Variants in VIPR1 observed in about 807,000 individuals in gnomAD.
VIPR1 encodes vasoactive intestinal peptide receptor 1.
In VIPR1, 59 loss-of-function variants were observed where a neutral mutation model predicts 58.8. The ratio of observed to expected loss-of-function variants is 1.00; its 90% CI spans 0.81 to 1.25. The LOEUF (loss-of-function observed/expected upper bound fraction) is 1.25, where lower values mean the gene tolerates loss of function less well. VIPR1 is among the 50% of genes most tolerant of loss of function. The pLI is 0.00. For synonymous variants in VIPR1, 251 were observed against 242.1 expected (o/e 1.04, Z -0.34); for missense variants, 626 against 602.7 (o/e 1.04, Z -0.40).
Position 42,536,218 on chromosome 3 carries a change from G to A in VIPR1, c.1311G>A (p.Leu437=). Residue 437 remains leucine (L), a synonymous_variant, in exon 13 of 13, where the codon CTG becomes CTA. Coordinates refer to ENST00000325123, the MANE Select transcript of VIPR1 (RefSeq NM_004624.4). ...GATCSTQVSM[L]TRVSPGARRS... Reference sequence around the variant, plus strand: ...CGTGCAGCACGCAGGTTTCCATGCTGACCCGCGTCAGCCCAGGTGCCCGCC... The same window carrying A: ...CGTGCAGCACGCAGGTTTCCATGCTAACCCGCGTCAGCCCAGGTGCCCGCC... 6.3e-7 allele frequency: 1 copy of A among 1,588,818 alleles called. No homozygotes were observed. The highest frequency in any genetic ancestry group is 1.1e-5 in the South Asian group (1 of 87,756).
chr3:42,510,009 C>T (rs1230830128), intron 1 of VIPR1, among the ~76,000 whole-genome samples: 1 of 152,204 alleles, frequency 6.6e-6, no homozygotes, highest in Non-Finnish European at 1.5e-5. Flanking sequence ...TGCTTCAAGT[C>T]TCTGTTGGCC....
intron 4 of VIPR1, among the ~76,000 whole-genome samples, chr3:42,526,650 T>C (rs906968986): frequency 7.2e-5 from 11 of 152,122 alleles, no homozygotes; most frequent in Admixed American, 6.5e-4. Flanking sequence ...GACAGCAATT[T>C]CTTCAGAGGC....
chr3:42,536,428 A>G lies in VIPR1; in HGVS notation c.*147A>G. 2 of 852,702 alleles carry G rather than the reference A, an allele frequency of 2.3e-6. No individual in the cohort carries two copies. Among genetic ancestry groups the G allele is most frequent in the Non-Finnish European group, 3.4e-6 (2 of 581,018 alleles). The allele number at this position is 852,702 out of a possible 1,614,324, so 52.8% of individuals were successfully genotyped here. The stretch of plus-strand genomic sequence containing the variant: ...CCCGGCCCCCTGGTCTCTGGTCCGG[A>G]CACTCCTAGAGAACGCAGCCCTAGA... On this transcript the variant is annotated 3_prime_UTR_variant, in exon 13 of 13. Transcript: ENST00000325123.
intron 2 of VIPR1, among the ~76,000 whole-genome samples, chr3:42,515,481 A>G (rs1577220289): frequency 6.6e-6 from 1 of 152,212 alleles, no homozygotes; most frequent in South Asian, 2.1e-4. Context: ...AGGCAGCCCC[A>G]AGAGGCCCAG....
Position 42,536,240 on chromosome 3 carries a change from C to T in VIPR1, c.1333C>T (p.Arg445Cys). The T allele has an allele frequency of 6.3e-7, 1 of 1,584,794 alleles. No individual in the cohort carries two copies. The highest frequency in any genetic ancestry group is 8.5e-7 in the Non-Finnish European group (1 of 1,169,746). Residue 445 changes from arginine to cysteine, a missense_variant, in exon 13 of 13, where the codon CGC becomes TGC. Physicochemically the swap from Arg to Cys is radical, Grantham distance 180. Transcript: ENST00000325123. ...GCTGACCCGCGTCAGCCCAGGTGCC[C>T]GCCGCTCCTCCAGCTTCCAAGCCGA... ...SMLTRVSPGA[R>C]RSSSFQAEVS...
At chr3:42,497,016 C>T (rs1699775287) in intron 1 of VIPR1, among the ~76,000 whole-genome samples, 1 of 152,126 alleles carries the variant, frequency 6.6e-6, no homozygotes. Context: ...CTGGTGGCAT[C>T]AATTATGTTA....
intron 1 of VIPR1, among the ~76,000 whole-genome samples, chr3:42,495,639 C>T (rs969278926): frequency 6.6e-6 from 1 of 151,974 alleles, no homozygotes; most frequent in African/African-American, 2.4e-5. Flanking sequence ...ATAAGTCAGA[C>T]AGCTTCAAAG....
At chr3:42,515,770 G>A (rs115309683) in intron 2 of VIPR1, among the ~76,000 whole-genome samples, 4,690 of 152,320 alleles carry the variant, frequency 0.031, 229 homozygotes, top group African/African-American at 0.11. Context: ...CTCTGTGTCT[G>A]ACTCTGAGTA....
chr3:42,527,153 A>G (rs555374636), intron 4 of VIPR1, among the ~76,000 whole-genome samples: 1 of 152,210 alleles, frequency 6.6e-6, no homozygotes, highest in East Asian at 1.9e-4. Context: ...TAAAGAAGCA[A>G]AGACAGGAAG....
intron 2 of VIPR1, 87 bp downstream of exon 2, chr3:42,513,941 C>A: frequency 7.1e-7 from 1 of 1,407,772 alleles, no homozygotes; most frequent in South Asian, 1.3e-5. Flanking sequence ...AAGTCACGTT[C>A]GTTCCACATT....
chr3:42,493,818 C>T (rs1699709248), intron 1 of VIPR1, among the ~76,000 whole-genome samples: 1 of 152,232 alleles, frequency 6.6e-6, no homozygotes, highest in Admixed American at 6.5e-5. Context: ...GTCAGAGAGG[C>T]ACAGACCTGG....
In VIPR1 at chr3:42,536,371, G is replaced by T. The variant is rs1026208560; in HGVS notation, c.*90G>T. On this transcript the variant is annotated 3_prime_UTR_variant, in exon 13 of 13. Transcript: ENST00000325123. ...CGGGGACAGAGGCCTGCCCGGGCGCGGCCAGCCCCGGCCCTGGGCTCGGAG... is the reference window on the plus strand; with the variant it reads ...CGGGGACAGAGGCCTGCCCGGGCGCTGCCAGCCCCGGCCCTGGGCTCGGAG... The T allele has an allele frequency of 1.4e-4, 186 of 1,362,098 alleles. No homozygotes were observed. The East Asian group carries it at 4.9e-3, about 36-fold the overall frequency. 84.4% of individuals were successfully genotyped at this position (1,362,098 alleles called of 1,614,324 possible).
At chr3:42,495,688 C>CA (rs1313889886) in intron 1 of VIPR1, among the ~76,000 whole-genome samples, 3 of 152,018 alleles carry the variant, frequency 2.0e-5, no homozygotes, top group Admixed American at 6.5e-5. Context: ...TCAAAAAAAG[C>CA]AAACCTCTAT....
chr3:42,507,158 G>A (rs1266462599), intron 1 of VIPR1: 3 of 152,194 alleles, frequency 2.0e-5, no homozygotes, highest in Non-Finnish European at 2.9e-5. Context: ...AAAATTGACA[G>A]GAATTGCTTA....
chr3:42,534,967 G>C lies in VIPR1; in HGVS notation c.1011-8G>C, dbSNP rs1701764268. The C allele has an allele frequency of 3.1e-6, 5 of 1,613,930 alleles. No homozygotes were observed. Among genetic ancestry groups the C allele is most frequent in the Non-Finnish European group, 4.2e-6 (5 of 1,179,948 alleles). On this transcript the variant is annotated splice_region_variant and splice_polypyrimidine_tract_variant and intron_variant, in intron 10 of 12. Transcript: ENST00000325123. ...CATACCCATGGCCTGTCCCTCCCCTGTCTCCAGAAGGCTAGCCAGGTCCAC... is the reference window on the plus strand; with the variant it reads ...CATACCCATGGCCTGTCCCTCCCCTCTCTCCAGAAGGCTAGCCAGGTCCAC...
intron 1 of VIPR1, among the ~76,000 whole-genome samples, chr3:42,493,085 T>G: frequency 6.6e-6 from 1 of 152,240 alleles, no homozygotes; most frequent in East Asian, 1.9e-4. Flanking sequence ...AAAATTAACT[T>G]GAATTCTAGA....
intron 10 of VIPR1, chr3:42,533,399 T>C (rs1187385765): frequency 8.7e-6 from 1 of 115,530 alleles, no homozygotes; most frequent in African/African-American, 4.0e-5. Context: ...GGAGCTTCCC[T>C]TCCTGTCTGA....
At chr3:42,522,097 ATATATTTTTT>A (rs1252594889) in intron 3 of VIPR1, among the ~76,000 whole-genome samples, 6 of 44,154 alleles carry the variant, frequency 1.4e-4, no homozygotes, top group South Asian at 2.4e-3. Flanking sequence ...ATATATATAT[ATATATTTTTT>A]TTTTTTTTTT....
intron 4 of VIPR1, among the ~76,000 whole-genome samples, chr3:42,526,232 C>T (rs1488918059): frequency 6.6e-6 from 1 of 152,212 alleles, no homozygotes; most frequent in Non-Finnish European, 1.5e-5. Context: ...AAAGCTGAAG[C>T]AGCTCCCCCA....
Sources: allele counts gnomAD v4.1 joint callset (sites outside exome capture counted in the v4.1 genomes callset), GRCh38; gene constraint gnomAD v4.1.1; transcripts MANE v1.5; gene names NCBI Gene and HGNC (gene_info 2026-07-23, HGNC 2026-07-21).